Variants in NHS observed in about 807,000 individuals in gnomAD.
NHS encodes actin remodeling regulator NHS.
In NHS, 5 loss-of-function variants were observed where a neutral mutation model predicts 72.5. The ratio of observed to expected loss-of-function variants is 0.07; its 90% CI spans 0.04 to 0.14. The LOEUF (loss-of-function observed/expected upper bound fraction) is 0.14, where lower values mean the gene tolerates loss of function less well. NHS is among the 10% of genes least tolerant of loss of function. The pLI, the probability that NHS is intolerant of heterozygous loss-of-function variation, is 1.00. For synonymous variants in NHS, 464 were observed against 547.7 expected (o/e 0.85, Z 2.13); for missense variants, 1,072 against 1,355.7 (o/e 0.79, Z 3.29).
intron 1 of NHS, among the ~76,000 whole-genome samples, chrX:17,551,031 G>A (rs1199480568): frequency 9.0e-6 from 1 of 111,403 alleles, no homozygotes; most frequent in Non-Finnish European, 1.9e-5. Context: ...TATCCACGTG[G>A]CTCCCTCCCT....
At chrX:17,455,034 T>C (rs967541843) in intron 1 of NHS, among the ~76,000 whole-genome samples, 10 of 111,805 alleles carry the variant, frequency 8.9e-5, no homozygotes, top group African/African-American at 3.3e-4. Flanking sequence ...TTTCCTTCTT[T>C]ACATGGGTTT....
Position 17,423,257 on chromosome X carries a change from C to T in NHS, c.565+46935C>T, listed in dbSNP as rs767671211. Among the ~76,000 whole-genome samples, 5 of 111,957 alleles carry T rather than the reference C, an allele frequency of 4.5e-5. No individual in the cohort carries two copies. In the East Asian group the frequency reaches 1.4e-3, roughly 32 times the overall value. On this transcript the variant is annotated intron_variant, in intron 1 of 8. Coordinates refer to ENST00000676302, the MANE Select transcript of NHS (RefSeq NM_001291867.2). ...ATTTGTTTAGAACCTGCCTTGGTTC[C>T]AGGAAGGATTTAATGTGGATTTCTA...
At chrX:17,390,274 C>T (rs752036411) in intron 1 of NHS, among the ~76,000 whole-genome samples, 1 of 112,447 alleles carries the variant, frequency 8.9e-6, no homozygotes, top group East Asian at 2.8e-4. Flanking sequence ...TCTCTCCAGT[C>T]TACATCTGGA....
intron 1 of NHS, among the ~76,000 whole-genome samples, chrX:17,623,922 G>C (rs924563283): frequency 3.6e-5 from 4 of 112,110 alleles, no homozygotes; most frequent in African/African-American, 1.3e-4. Flanking sequence ...TAGCCTGCAG[G>C]GTCTGCATAG....
intron 2 of NHS, among the ~76,000 whole-genome samples, chrX:17,690,067 T>C (rs956040829): frequency 9.0e-6 from 1 of 111,496 alleles, no homozygotes; most frequent in African/African-American, 3.3e-5. Flanking sequence ...ACTGTGGAGA[T>C]GCGTTTTACC....
chrX:17,601,238 G>T (rs764645363), intron 1 of NHS, among the ~76,000 whole-genome samples: 2 of 111,765 alleles, frequency 1.8e-5, no homozygotes, highest in Admixed American at 1.9e-4. Context: ...GATTCAGCAG[G>T]TTTGATGGAT....
At chrX:17,451,982 G>A (rs2064807356) in intron 1 of NHS, among the ~76,000 whole-genome samples, 2 of 111,597 alleles carry the variant, frequency 1.8e-5, no homozygotes, top group South Asian at 7.5e-4. Context: ...GAGCCCTGTT[G>A]ATTTATGTAA....
chrX:17,579,908 G>A (rs1419926824), intron 1 of NHS, among the ~76,000 whole-genome samples: 1 of 110,973 alleles, frequency 9.0e-6, no homozygotes. Flanking sequence ...ATTCCTCCCG[G>A]CCTTGGTGAG....
intron 1 of NHS, among the ~76,000 whole-genome samples, chrX:17,620,918 G>A (rs1027982120): frequency 9.0e-6 from 1 of 111,551 alleles, no homozygotes; most frequent in Non-Finnish European, 1.9e-5. Context: ...TGAGAGACAG[G>A]TAGAGGGTTG....
intron 1 of NHS, among the ~76,000 whole-genome samples, chrX:17,477,452 A>G (rs1009490111): frequency 1.1e-4 from 12 of 112,348 alleles, no homozygotes; most frequent in African/African-American, 3.9e-4. Context: ...TCCCAAGGTG[A>G]GGGCAACAGT....
At chrX:17,434,372 A>C (rs752096667) in intron 1 of NHS, among the ~76,000 whole-genome samples, 2 of 111,409 alleles carry the variant, frequency 1.8e-5, no homozygotes, top group Admixed American at 1.9e-4. Flanking sequence ...TGATTCAAAA[A>C]TTGCTACCAA....
chrX:17,676,055 G>A (rs2066078355), intron 1 of NHS, among the ~76,000 whole-genome samples: 1 of 111,962 alleles, frequency 8.9e-6, no homozygotes, highest in African/African-American at 3.3e-5. Context: ...ATATATAATT[G>A]GATGTCATGT....
chrX:17,479,828 C>T (rs757082569), intron 1 of NHS, among the ~76,000 whole-genome samples: 19 of 111,750 alleles, frequency 1.7e-4, no homozygotes, highest in Middle Eastern at 4.6e-3. Context: ...AAAATGTTCT[C>T]CCATTCTGGA....
chrX:17,581,660 C>G lies in NHS; in HGVS notation c.566-106082C>G, dbSNP rs190349046. Among the ~76,000 whole-genome samples the G allele has an allele frequency of 2.7e-5, 3 of 111,768 alleles. No individual in the cohort carries two copies. The East Asian group carries it at 8.4e-4, about 31-fold the overall frequency. On this transcript the variant is annotated intron_variant, in intron 1 of 8. Coordinates refer to ENST00000676302, the MANE Select transcript of NHS (RefSeq NM_001291867.2). The stretch of plus-strand genomic sequence containing the variant: ...CTCCACTCTGTGCTTTCTGTGGAAT[C>G]GCTTGGAGGAAAGGCAGGCTGGCCT...
chrX:17,676,010 G>C (rs752069626), intron 1 of NHS, among the ~76,000 whole-genome samples: 1 of 111,547 alleles, frequency 9.0e-6, no homozygotes, highest in African/African-American at 3.3e-5. Flanking sequence ...GATTTTAAGA[G>C]ACTAACCTCC....
At chrX:17,435,099 G>A (rs555050735) in intron 1 of NHS, among the ~76,000 whole-genome samples, 25 of 111,957 alleles carry the variant, frequency 2.2e-4, no homozygotes, top group African/African-American at 3.6e-4. Flanking sequence ...AGTGGTTTTC[G>A]GCCTTGACTG....
At chrX:17,548,640 G>T (rs1446959486) in intron 1 of NHS, among the ~76,000 whole-genome samples, 2 of 111,784 alleles carry the variant, frequency 1.8e-5, no homozygotes, top group East Asian at 5.6e-4. Flanking sequence ...CCATACACAT[G>T]TATGCTCTCT....
intron 1 of NHS, among the ~76,000 whole-genome samples, chrX:17,463,378 T>A (rs1267038577): frequency 2.7e-5 from 3 of 110,219 alleles, no homozygotes; most frequent in Admixed American, 1.9e-4. Flanking sequence ...TGGGGTTTTT[T>A]TTTTTCCCCC....
intron 3 of NHS, among the ~76,000 whole-genome samples, chrX:17,713,135 T>C (rs982272154): frequency 1.8e-5 from 2 of 111,661 alleles, no homozygotes; most frequent in African/African-American, 6.5e-5. Flanking sequence ...TACATAATTG[T>C]AGCAACAAGA....
Sources: allele counts gnomAD v4.1 joint callset (sites outside exome capture counted in the v4.1 genomes callset), GRCh38; gene constraint gnomAD v4.1.1; transcripts MANE v1.5; gene names NCBI Gene and HGNC (gene_info 2026-07-23, HGNC 2026-07-21).